Variants in ITGA2 observed in about 807,000 individuals in gnomAD.
ITGA2 encodes the protein integrin subunit alpha 2.
ITGA2 carries 101 observed loss-of-function variants against 146.3 expected under a neutral mutation model. The observed-to-expected ratio is 0.69, with a 90% CI of 0.59 to 0.81. ITGA2 has a LOEUF of 0.81. ITGA2 is among the 40% of genes least tolerant of loss of function. ITGA2 has a pLI of 0.00. For missense variants in ITGA2, 1,281 were observed against 1,402.7 expected (o/e 0.91, Z 1.39); for synonymous variants, 477 against 487.1 (o/e 0.98, Z 0.27).
intron 29 of ITGA2, among the ~76,000 whole-genome samples, 161 bp from the exon 30 acceptor site, chr5:53,090,358 T>A (rs1262306893): frequency 1.3e-5 from 2 of 152,162 alleles, no homozygotes; most frequent in African/African-American, 4.8e-5. Flanking sequence ...TAAATTTCCT[T>A]CTAGCAGGTG....
chr5:53,009,380 G>A (rs938047014), intron 1 of ITGA2, among the ~76,000 whole-genome samples: 8 of 152,076 alleles, frequency 5.3e-5, no homozygotes, highest in African/African-American at 1.7e-4. Flanking sequence ...TTCTGGTGAG[G>A]GCTCAGAAGG....
intron 13 of ITGA2, 78 bp from the exon 14 acceptor site, chr5:53,064,834 C>T (rs1745069629): frequency 7.1e-7 from 1 of 1,407,674 alleles, no homozygotes; most frequent in Non-Finnish European, 1.0e-6. Context: ...CATGAGCCAC[C>T]ACACCCAGCT....
chr5:53,057,951 C>A (rs537023186), intron 9 of ITGA2, 74 bp from the exon 10 acceptor site: 1 of 1,040,106 alleles, frequency 9.6e-7, no homozygotes, highest in Non-Finnish European at 1.5e-6. Context: ...TGTGTACATA[C>A]GTGCCTGCTT....
At chr5:53,067,039 T>A in intron 15 of ITGA2, 79 bp from the exon 16 acceptor site, 1 of 1,434,728 alleles carries the variant, frequency 7.0e-7, no homozygotes, top group Non-Finnish European at 9.7e-7. Context: ...ATGCTGGTAC[T>A]GGGTCCTCTA....
At chr5:53,039,320 C>T (rs1743660609) in intron 2 of ITGA2, among the ~76,000 whole-genome samples, 2 of 152,070 alleles carry the variant, frequency 1.3e-5, no homozygotes, top group Admixed American at 6.6e-5. Flanking sequence ...AAAAAAAATG[C>T]CAGTTTGGTG....
At chr5:53,031,311 C>A (rs1743211675) in intron 2 of ITGA2, among the ~76,000 whole-genome samples, 1 of 152,198 alleles carries the variant, frequency 6.6e-6, no homozygotes, top group South Asian at 2.1e-4. Context: ...CATGCACACA[C>A]ACACAACTTT....
chr5:53,086,911 T>C (rs774346449), intron 27 of ITGA2, 41 bp from the exon 28 acceptor site: 22 of 1,461,876 alleles, frequency 1.5e-5, no homozygotes, highest in Non-Finnish European at 2.1e-5. Flanking sequence ...CTGCATTTGC[T>C]GCTGCTACGA....
intron 2 of ITGA2, among the ~76,000 whole-genome samples, chr5:53,034,575 G>A (rs1743395421): frequency 6.6e-6 from 1 of 152,120 alleles, no homozygotes; most frequent in Admixed American, 6.6e-5. Context: ...GCTCCAGAAT[G>A]TCTGCTGTGC....
Position 53,064,896 on chromosome 5 carries a change from G to T in ITGA2, c.1603-16G>T. 1 of 1,610,344 alleles carries T rather than the reference G, an allele frequency of 6.2e-7. No homozygotes were observed. The highest frequency in any genetic ancestry group is 8.5e-7 in the Non-Finnish European group (1 of 1,177,128). ...TAAGGTTTGCTTTAATCATCCTTTT[G>T]TTTCCCCTTTGCAAGGGCATTTTGG... On this transcript the variant is annotated splice_polypyrimidine_tract_variant and intron_variant, in intron 13 of 29. Transcript: ENST00000296585.
intron 2 of ITGA2, among the ~76,000 whole-genome samples, chr5:53,038,802 C>G (rs1743629527): frequency 6.6e-6 from 1 of 152,242 alleles, no homozygotes; most frequent in South Asian, 2.1e-4. Flanking sequence ...ATAAGATCAT[C>G]CCCGGTGGCC....
At chr5:53,060,209 A>G (rs901428031) in intron 11 of ITGA2, among the ~76,000 whole-genome samples, 197 bp downstream of exon 11, 5 of 151,896 alleles carry the variant, frequency 3.3e-5, no homozygotes, top group Non-Finnish European at 7.4e-5. Context: ...TATTATACTC[A>G]CTAGTTTCTT....
chr5:53,001,785 A>G (rs1397718899), intron 1 of ITGA2, among the ~76,000 whole-genome samples: 3 of 151,336 alleles, frequency 2.0e-5, no homozygotes, highest in Non-Finnish European at 4.4e-5. Flanking sequence ...GGCTGTAGCA[A>G]ACCTGGATGA....
chr5:53,068,400 G>T (rs1361174479), intron 16 of ITGA2, among the ~76,000 whole-genome samples: 2 of 151,906 alleles, frequency 1.3e-5, no homozygotes, highest in African/African-American at 4.8e-5. Context: ...ATTGTGGCTA[G>T]TCTGCCTAAT....
At chr5:53,079,967 G>T (rs919408769) in intron 24 of ITGA2, among the ~76,000 whole-genome samples, 1 of 152,116 alleles carries the variant, frequency 6.6e-6, no homozygotes, top group Non-Finnish European at 1.5e-5. Context: ...TGCTGTACCA[G>T]TGCCCTGTGC....
intron 4 of ITGA2, among the ~76,000 whole-genome samples, chr5:53,048,045 C>T (rs572337955): frequency 6.6e-6 from 1 of 152,250 alleles, no homozygotes; most frequent in East Asian, 1.9e-4. Flanking sequence ...CATTCTCCTC[C>T]TTGGTGTTCT....
At chr5:53,026,630 T>A in intron 1 of ITGA2, 118 bp from the exon 2 acceptor site, 1 of 909,922 alleles carries the variant, frequency 1.1e-6, no homozygotes, top group East Asian at 2.6e-5. Context: ...TGGGTAAACG[T>A]TGATAAGTAA....
At chr5:53,046,808 A>AT (rs1455720076) in intron 4 of ITGA2, among the ~76,000 whole-genome samples, 2 of 152,152 alleles carry the variant, frequency 1.3e-5, no homozygotes, top group African/African-American at 2.4e-5. Flanking sequence ...CAATCATCAC[A>AT]TTTTTTTGAA....
rs1442318861 is a variant in ITGA2, at chr5:53,092,320, T to C, written c.*1721T>C. On this transcript the variant is annotated 3_prime_UTR_variant, in exon 30 of 30. Transcript: ENST00000296585. ...AAAAGTCTATGATCTGGACTTCCTA[T>C]AATACAAATACACAATCCTCCAAGA... 5.9e-5 allele frequency: 9 copies of C among 152,108 alleles called. 1 individual carries two copies. The highest frequency in any genetic ancestry group is 9.7e-5 in the African/African-American group (4 of 41,420). The allele number at this position is 152,108 out of a possible 1,614,324, so 9.4% of individuals were successfully genotyped here. A position where few individuals can be genotyped will look rare whatever the true frequency, so the allele number is the denominator to read the frequency against.
intron 13 of ITGA2, among the ~76,000 whole-genome samples, 190 bp downstream of exon 13, chr5:53,063,119 G>T (rs912538918): frequency 6.6e-6 from 1 of 151,856 alleles, no homozygotes; most frequent in Admixed American, 6.6e-5. Flanking sequence ...AAAAACTAGA[G>T]TTGAATGTAT....
Sources: allele counts gnomAD v4.1 joint callset (sites outside exome capture counted in the v4.1 genomes callset), GRCh38; gene constraint gnomAD v4.1.1; transcripts MANE v1.5; gene names NCBI Gene and HGNC (gene_info 2026-07-23, HGNC 2026-07-21).